STK31: variants seen among roughly 807,000 people sequenced by gnomAD.
The protein encoded by STK31 is serine/threonine-protein kinase 31.
STK31 carries 89 observed loss-of-function variants against 129.7 expected under a neutral mutation model. That is an observed-to-expected ratio of 0.69 (90% confidence interval 0.58 to 0.82). STK31 has a LOEUF of 0.82. Among genes scored for constraint, STK31 ranks in the 40% least tolerant of loss-of-function variants. STK31 has a pLI of 0.00. For missense variants in STK31, 1,187 were observed against 1,176.4 expected (o/e 1.01, Z -0.13); for synonymous variants, 448 against 395.3 (o/e 1.13, Z -1.58).
At chr7:23,730,878 A>ATATATATATATATATATATATTTTTT in intron 6 of STK31, among the ~76,000 whole-genome samples, 3 of 59,530 alleles carry the variant, frequency 5.0e-5, no homozygotes, top group Non-Finnish European at 9.8e-5. Context: ...ATATATATAT[A>ATATATATATATATATATATATTTTTT]TTTTTTTTTT....
chr7:23,723,920 G>A (rs1341464089), intron 4 of STK31, among the ~76,000 whole-genome samples: 5 of 152,098 alleles, frequency 3.3e-5, no homozygotes, highest in African/African-American at 7.2e-5. Context: ...TTAAGCTGGC[G>A]GCCAAAGAGA....
intron 9 of STK31, 29 bp from the exon 10 acceptor site, chr7:23,754,286 C>T: frequency 6.3e-7 from 1 of 1,594,892 alleles, no homozygotes; most frequent in Non-Finnish European, 8.5e-7. Flanking sequence ...ATTTATTGAT[C>T]TTCTTCTTTT....
chr7:23,787,012 A>G (rs956558992), intron 20 of STK31, 88 bp downstream of exon 20: 138 of 1,263,396 alleles, frequency 1.1e-4, no homozygotes, highest in Non-Finnish European at 1.5e-4. Context: ...CATGCTATGT[A>G]TTTTGTAAAA....
Position 23,771,076 on chromosome 7 carries a change from G to T in STK31, c.1785G>T (p.Glu595Asp). 1 of 1,612,910 alleles carries T rather than the reference G, an allele frequency of 6.2e-7. No homozygotes were observed. Among genetic ancestry groups the T allele is most frequent in the Non-Finnish European group, 8.5e-7 (1 of 1,179,374 alleles). The change falls in exon 14 of 24, where the codon GAG (glutamate) becomes GAT (aspartate). Residue 595 changes from glutamate (E) to aspartate (D), a missense_variant. Physicochemically the swap from Glu to Asp is conservative, Grantham distance 45 (BLOSUM62 2). This residue lies in a region of STK31 where 975 missense variants were observed against 934.9 expected (regional missense o/e 1.04). Coordinates refer to ENST00000355870, the MANE Select transcript of STK31 (RefSeq NM_031414.5). ...AAGTACTGCAAAAGATTCATTCAGA[G>T]GAAAGGCTCATTGCCACAGTACAAG... ...YSQVLQKIHSEERLIATVQAK... is the reference protein window; with the variant it reads ...YSQVLQKIHSDERLIATVQAK...
intron 15 of STK31, among the ~76,000 whole-genome samples, chr7:23,777,948 T>C (rs797017123): frequency 2.8e-4 from 43 of 152,324 alleles, no homozygotes; most frequent in African/African-American, 9.1e-4. Context: ...CTTTACAATT[T>C]GGTATGTTTT....
intron 21 of STK31, among the ~76,000 whole-genome samples, chr7:23,789,199 T>C (rs895093495): frequency 2.9e-5 from 4 of 137,338 alleles, no homozygotes; most frequent in Admixed American, 7.9e-5. Flanking sequence ...TATATATTCA[T>C]CAGTTGCTGG....
intron 15 of STK31, among the ~76,000 whole-genome samples, chr7:23,774,708 T>A (rs1048860520): frequency 6.6e-6 from 1 of 152,212 alleles, no homozygotes; most frequent in East Asian, 1.9e-4. Context: ...TTGCAAAAAT[T>A]TTCTCCATTT....
intron 17 of STK31, among the ~76,000 whole-genome samples, chr7:23,784,900 T>C (rs1185388584): frequency 2.0e-5 from 3 of 152,242 alleles, no homozygotes; most frequent in Non-Finnish European, 4.4e-5. Context: ...AATTACTTCA[T>C]GGTAGTCATA....
chr7:23,729,034 T>G, intron 5 of STK31, 57 bp from the exon 6 acceptor site: 1 of 1,459,846 alleles, frequency 6.9e-7, no homozygotes, highest in Non-Finnish European at 9.1e-7. Flanking sequence ...ATTGGTGGTT[T>G]CTTTGGAAAC....
chr7:23,727,943 CA>C (rs902917785), intron 5 of STK31, among the ~76,000 whole-genome samples: 5 of 151,846 alleles, frequency 3.3e-5, no homozygotes, highest in African/African-American at 7.3e-5. Context: ...AGGAGAAGAA[CA>C]TTTTGATTGA....
intron 23 of STK31, among the ~76,000 whole-genome samples, chr7:23,825,666 C>T (rs986518679): frequency 3.9e-5 from 6 of 152,064 alleles, no homozygotes; most frequent in Non-Finnish European, 7.4e-5. Flanking sequence ...GCTCTTGCTC[C>T]TCTAGTTCTT....
chr7:23,751,245 A>G (rs1788691378), intron 8 of STK31, among the ~76,000 whole-genome samples: 1 of 152,132 alleles, frequency 6.6e-6, no homozygotes. Context: ...CATTGTATAT[A>G]CTGCATTTTC....
At chr7:23,749,344 GT>G (rs201417190) in intron 8 of STK31, among the ~76,000 whole-genome samples, 46,951 of 124,500 alleles carry the variant, frequency 0.38, 7,696 homozygotes, top group East Asian at 0.57. Context: ...TTCTTTTCTT[GT>G]TTTTTTTTTT....
intron 11 of STK31, among the ~76,000 whole-genome samples, chr7:23,764,371 A>T (rs1043785716): frequency 9.2e-5 from 14 of 152,176 alleles, no homozygotes; most frequent in African/African-American, 3.1e-4. Flanking sequence ...CTCCACTTCT[A>T]GTATTCCCTC....
chr7:23,814,977 T>C (rs1793382161), intron 22 of STK31, among the ~76,000 whole-genome samples, 167 bp from the exon 23 acceptor site: 1 of 152,172 alleles, frequency 6.6e-6, no homozygotes, highest in African/African-American at 2.4e-5. Context: ...AACCATTTGG[T>C]TGCTTGTAAT....
At chr7:23,774,125 G>A (rs976121706) in intron 15 of STK31, among the ~76,000 whole-genome samples, 8 of 151,928 alleles carry the variant, frequency 5.3e-5, no homozygotes, top group African/African-American at 1.5e-4. Context: ...CCTTTTTTAT[G>A]GCTGCATAGT....
At chr7:23,801,313 C>T (rs1013328118) in intron 22 of STK31, among the ~76,000 whole-genome samples, 2 of 152,076 alleles carry the variant, frequency 1.3e-5, no homozygotes, top group African/African-American at 4.8e-5. Context: ...TGTTGAGCAT[C>T]TTTTAGTTTG....
At position 23,769,276 on chromosome 7, in the gene STK31, A is replaced by G. The variant is rs1197503853; in HGVS notation, c.1596+102A>G. 9 of 1,116,260 alleles carry G rather than the reference A, an allele frequency of 8.1e-6. No individual in the cohort carries two copies. In the South Asian group the frequency reaches 1.7e-4, roughly 22 times the overall value. 69.1% of individuals were successfully genotyped at this position (1,116,260 alleles called of 1,614,324 possible). A position where few individuals can be genotyped will look rare whatever the true frequency, so the allele number is the denominator to read the frequency against. On this transcript the variant is annotated intron_variant, in intron 12 of 23. Transcript: ENST00000355870. Reference sequence around the variant, plus strand: ...CAAGAGCTGACATCATCTACCTACTATGTATCAGATTTAAAATTGCCACCT... The same window carrying G: ...CAAGAGCTGACATCATCTACCTACTGTGTATCAGATTTAAAATTGCCACCT...
chr7:23,771,011 G>T lies in STK31; in HGVS notation c.1720G>T (p.Gly574Cys). 1 of 1,609,830 alleles carries T rather than the reference G, an allele frequency of 6.2e-7. No homozygotes were observed. Among genetic ancestry groups the T allele is most frequent in the Non-Finnish European group, 8.5e-7 (1 of 1,178,220 alleles). Reference sequence around the variant, plus strand: ...TGTGTGTGATTTCATTTAGGATCAAGGTGATGCAGACAAGGAGATAATTTC... The same window carrying T: ...TGTGTGTGATTTCATTTAGGATCAATGTGATGCAGACAAGGAGATAATTTC... ...KELEIALVDQ[G>C]DADKEIISNT... The change falls in exon 14 of 24, where the codon GGT becomes TGT. Residue 574 changes from glycine to cysteine, a missense_variant. This residue lies in a region of STK31 where 975 missense variants were observed against 934.9 expected (regional missense o/e 1.04). Coordinates refer to ENST00000355870, the MANE Select transcript of STK31 (RefSeq NM_031414.5).
Sources: allele counts gnomAD v4.1 joint callset (sites outside exome capture counted in the v4.1 genomes callset), GRCh38; gene constraint gnomAD v4.1.1; regional missense constraint gnomAD v4.1.1; transcripts MANE v1.5; gene names NCBI Gene and HGNC (gene_info 2026-07-23, HGNC 2026-07-21).